The following UNC13D variants were observed in gnomAD, a reference collection of about 807,000 sequenced individuals.
The protein encoded by UNC13D is protein unc-13 homolog D.
UNC13D carries 115 observed loss-of-function variants against 151.7 expected under a neutral mutation model. The observed-to-expected ratio is 0.76, with a 90% CI of 0.65 to 0.88. UNC13D has a LOEUF of 0.88. UNC13D is among the 40% of genes least tolerant of loss of function. The probability of loss-of-function intolerance (pLI) is 0.00; values close to 1 mark genes in which losing one functional copy is unlikely to be tolerated. For missense variants in UNC13D, 1,369 were observed against 1,438.7 expected, an observed-to-expected ratio of 0.95 and a Z score of 0.78; for synonymous variants, 588 against 612.2, an observed-to-expected ratio of 0.96 and a Z score of 0.58.
At position 75,834,925 on chromosome 17, in the gene UNC13D, C is replaced by T. The variant is rs2064896749; in HGVS notation, c.1987G>A (p.Val663Met). The change falls in exon 21 of 32, where the codon GTG becomes ATG. Residue 663 changes from valine to methionine, a missense_variant. By Grantham distance (21) the Val-to-Met change is conservative (BLOSUM62 1). Transcript: ENST00000207549. The part of the protein sequence containing the change: ...EEAFMITVKF[V>M]EDTCRLALVY... Reference sequence around the variant, plus strand: ...ACACGTGGAAGATGCCGCACCTCCACAAACTTGACGGTAATCATGAAGGCC... The same window carrying T: ...ACACGTGGAAGATGCCGCACCTCCATAAACTTGACGGTAATCATGAAGGCC... 1.2e-6 allele frequency: 2 copies of T among 1,613,962 alleles called. No individual in the cohort carries two copies. Among genetic ancestry groups the T allele is most frequent in the Admixed American group, 3.3e-5 (2 of 60,008 alleles).
At chr17:75,834,899 G>A in intron 21 of UNC13D, 21 bp downstream of exon 21, 1 of 1,613,762 alleles carries the variant, frequency 6.2e-7, no homozygotes, top group Non-Finnish European at 8.5e-7. Flanking sequence ...GAGGGGGAAG[G>A]ACACGTGGAA....
chr17:75,843,661 A>C, intron 1 of UNC13D, 142 bp from the exon 2 acceptor site: 3 of 1,493,826 alleles, frequency 2.0e-6, no homozygotes, highest in Non-Finnish European at 2.7e-6. Flanking sequence ...GATGCCCCGC[A>C]CCTGTTCCCC....
At position 75,830,492 on chromosome 17, in the gene UNC13D, G is replaced by C; in HGVS notation, c.2710-10C>G. The C allele has an allele frequency of 6.3e-7, 1 of 1,591,852 alleles. No homozygotes were observed. Among genetic ancestry groups the C allele is most frequent in the Non-Finnish European group, 8.6e-7 (1 of 1,169,480 alleles). Reference sequence around the variant, plus strand: ...CAGAGGTGGTTTCTGCCTGGGGTGGGGAGCAGGGGCAGGGTCAGCAGGGTC... The same window carrying C: ...CAGAGGTGGTTTCTGCCTGGGGTGGCGAGCAGGGGCAGGGTCAGCAGGGTC... On this transcript the variant is annotated splice_polypyrimidine_tract_variant and intron_variant, in intron 28 of 31. Coordinates refer to ENST00000207549, the MANE Select transcript of UNC13D (RefSeq NM_199242.3).
intron 12 of UNC13D, among the ~76,000 whole-genome samples, chr17:75,838,176 C>G (rs1414539296): frequency 2.6e-5 from 4 of 152,124 alleles, no homozygotes; most frequent in Non-Finnish European, 4.4e-5. Flanking sequence ...AGTCGGCATC[C>G]TGCTCCTGTT....
Position 75,827,339 on chromosome 17 carries a change from T to A in UNC13D, c.*626A>T. 1 of 1,069,950 alleles carries A rather than the reference T, an allele frequency of 9.3e-7. No individual in the cohort carries two copies. Among genetic ancestry groups the A allele is most frequent in the Non-Finnish European group, 1.3e-6 (1 of 795,682 alleles). 66.3% of individuals were successfully genotyped at this position (1,069,950 alleles called of 1,614,324 possible). ...AGCAGACACAGCAGCCAAACTGTCCTTTCTGCTTCCGTCTGTCTGTGCCAG... is the reference window on the plus strand; with the variant it reads ...AGCAGACACAGCAGCCAAACTGTCCATTCTGCTTCCGTCTGTCTGTGCCAG... On this transcript the variant is annotated 3_prime_UTR_variant, in exon 32 of 32. Transcript: ENST00000207549.
chr17:75,829,855 G>GGA, intron 30 of UNC13D, 173 bp downstream of exon 30: 2 of 1,002,604 alleles, frequency 2.0e-6, no homozygotes, highest in Non-Finnish European at 1.5e-6. Context: ...TGTGATGACA[G>GGA]GTGTGAGCCA....
At chr17:75,834,881 T>C (rs749594705) in intron 21 of UNC13D, 39 bp downstream of exon 21, 1 of 1,613,516 alleles carries the variant, frequency 6.2e-7, no homozygotes. Flanking sequence ...GTGTGGCTGT[T>C]CTAGAAAGAG....
At chr17:75,839,764 G>A in intron 12 of UNC13D, 75 bp downstream of exon 12, 1 of 1,472,260 alleles carries the variant, frequency 6.8e-7, no homozygotes, top group Non-Finnish European at 9.5e-7. Flanking sequence ...TACACTTTGG[G>A]CTACCGGCTT....
chr17:75,831,289 T>C lies in UNC13D; in HGVS notation c.2507A>G (p.Gln836Arg). 1.2e-6 allele frequency: 2 copies of C among 1,613,822 alleles called. No homozygotes were observed. The highest frequency in any genetic ancestry group is 2.2e-5 in the South Asian group (2 of 91,084). Residue 836 changes from glutamine (Q) to arginine (R), a missense_variant, in exon 26 of 32, where the codon CAG becomes CGG. Gln to Arg is a conservative substitution (Grantham distance 43, BLOSUM62 1). Transcript: ENST00000207549. ...GTTGGAAGCCAGGGATGAGCTGCGC[T>C]GGGAGGCGGCCGCCTCCACCAGCAC... ...LTVLVEAAAS[Q>R]RSSSLASNRL...
chr17:75,843,580 G>A (rs2064964882), intron 1 of UNC13D, 61 bp from the exon 2 acceptor site: 1 of 1,593,012 alleles, frequency 6.3e-7, no homozygotes. Flanking sequence ...AGATGGACAG[G>A]AATGGCTCCT....
chr17:75,844,338 G>T lies in UNC13D; in HGVS notation c.-1C>A, dbSNP rs1448548642. On this transcript the variant is annotated 5_prime_UTR_variant, in exon 1 of 32. Transcript: ENST00000207549. ...GCGGATGGGAGAGGAGTGTCGCCAT[G>T]GTGGCCTTCTCTGCCCTTCCCTGTC... 1 of 1,608,308 alleles carries T rather than the reference G, an allele frequency of 6.2e-7. No individual in the cohort carries two copies. The highest frequency in any genetic ancestry group is 8.5e-7 in the Non-Finnish European group (1 of 1,178,234).
At chr17:75,842,967 G>A in intron 4 of UNC13D, 44 bp from the exon 5 acceptor site, 1 of 1,613,080 alleles carries the variant, frequency 6.2e-7, no homozygotes, top group East Asian at 2.2e-5. Flanking sequence ...AGGGGGCTGG[G>A]CTTCCCAGGC....
At chr17:75,844,167 C>G in intron 1 of UNC13D, 54 bp downstream of exon 1, 1 of 1,597,538 alleles carries the variant, frequency 6.3e-7, no homozygotes, top group Non-Finnish European at 8.5e-7. Flanking sequence ...CACCCGTACC[C>G]GAGACCACAG....
intron 31 of UNC13D, among the ~76,000 whole-genome samples, 184 bp downstream of exon 31, chr17:75,828,603 C>T (rs2062139972): frequency 6.6e-6 from 1 of 152,234 alleles, no homozygotes; most frequent in Non-Finnish European, 1.5e-5. Context: ...CAAGGAGAGT[C>T]ACGTTACACT....
chr17:75,837,519 C>T (rs555688959), intron 12 of UNC13D, among the ~76,000 whole-genome samples: 4 of 150,636 alleles, frequency 2.7e-5, no homozygotes, highest in South Asian at 4.2e-4. Context: ...TTTTGGAGGC[C>T]GAGGCGGGTG....
At position 75,835,701 on chromosome 17, in the gene UNC13D, T is replaced by C. The variant is rs1288269669; in HGVS notation, c.1673A>G (p.Gln558Arg). 2 of 1,613,570 alleles carry C rather than the reference T, an allele frequency of 1.2e-6. No homozygotes were observed. The highest frequency in any genetic ancestry group is 1.7e-6 in the Non-Finnish European group (2 of 1,180,030). The change falls in exon 19 of 32, where the codon CAG becomes CGG. Residue 558 changes from glutamine (Q) to arginine (R), a missense_variant. Physicochemically the swap from Gln to Arg is conservative, Grantham distance 43. This residue lies in a region of UNC13D where 807 missense variants were observed against 795.5 expected (regional missense o/e 1.01). Transcript: ENST00000207549. ...VSPEMGESLFQLYISLKELCQ... is the reference protein window; with the variant it reads ...VSPEMGESLFRLYISLKELCQ... ...GAGCTCCTTGAGGCTGATGTAGAGC[T>C]GGAACAGACTCTCGCCCATCTCTGG... is the stretch of plus-strand genomic sequence containing the variant.
In UNC13D at chr17:75,827,611, G is replaced by C; in HGVS notation, c.*354C>G. The C allele has an allele frequency of 6.5e-7, 1 of 1,533,196 alleles. No homozygotes were observed. The highest frequency in any genetic ancestry group is 8.7e-7 in the Non-Finnish European group (1 of 1,146,736). The allele number at this position is 1,533,196 out of a possible 1,614,324, so 95.0% of individuals were successfully genotyped here. A position where few individuals can be genotyped will look rare whatever the true frequency, so the allele number is the denominator to read the frequency against. On this transcript the variant is annotated 3_prime_UTR_variant, in exon 32 of 32. Transcript: ENST00000207549. Reference sequence around the variant, plus strand: ...CCCACCCCAGTGGCTGGAACAGGAAGGCCAGGAGGCAGATGGGCCAGGGCC... The same window carrying C: ...CCCACCCCAGTGGCTGGAACAGGAACGCCAGGAGGCAGATGGGCCAGGGCC...
Position 75,829,780 on chromosome 17 carries a change from G to A in UNC13D, c.2954+248C>T, listed in dbSNP as rs2062148642. ...TAATTTTGTATTTTTAGTAGAGACT[G>A]TTGGCCAGGCTGGTCTTGAACTCCT... is the stretch of plus-strand genomic sequence containing the variant. On this transcript the variant is annotated intron_variant, in intron 30 of 31. Transcript: ENST00000207549. The A allele has an allele frequency of 3.2e-5, 15 of 471,970 alleles. 1 individual carries two copies. The highest frequency in any genetic ancestry group is 2.0e-4 in the South Asian group (10 of 49,292). The allele number at this position is 471,970 out of a possible 1,614,324, so 29.2% of individuals were successfully genotyped here.
Position 75,840,691 on chromosome 17 carries a change from C to T in UNC13D, c.683+71G>A. On this transcript the variant is annotated intron_variant, in intron 8 of 31. Transcript: ENST00000207549. This position sits in a 1 kb window ranked among gnomAD's most constrained non-coding sequence, Gnocchi z 4.6. ...CCAAAGGAGCCTGCACCCCAGCATCCAGTGTGCATGTTGGGGGATGGAGGG... is the reference window on the plus strand; with the variant it reads ...CCAAAGGAGCCTGCACCCCAGCATCTAGTGTGCATGTTGGGGGATGGAGGG... 2.5e-6 allele frequency: 4 copies of T among 1,609,032 alleles called. No individual in the cohort carries two copies. The highest frequency in any genetic ancestry group is 3.4e-6 in the Non-Finnish European group (4 of 1,175,788).
Sources: allele counts gnomAD v4.1 joint callset (sites outside exome capture counted in the v4.1 genomes callset), GRCh38; gene constraint gnomAD v4.1.1; regional missense constraint gnomAD v4.1.1; non-coding constraint Gnocchi (gnomAD v3.1); transcripts MANE v1.5; gene names NCBI Gene and HGNC (gene_info 2026-07-23, HGNC 2026-07-21).